The following PPM1E variants were observed in gnomAD, a reference collection of about 807,000 sequenced individuals.
PPM1E encodes protein phosphatase 1E.
PPM1E carries 20 observed loss-of-function variants against 65.9 expected under a neutral mutation model. The ratio of observed to expected loss-of-function variants is 0.30; its 90% CI spans 0.21 to 0.44. The LOEUF (loss-of-function observed/expected upper bound fraction) is 0.44, where lower values mean the gene tolerates loss of function less well. PPM1E is among the 20% of genes least tolerant of loss of function. PPM1E has a pLI of 1.00. For synonymous variants in PPM1E, 352 were observed against 374.9 expected, an observed-to-expected ratio of 0.94 and a Z score of 0.70; for missense variants, 713 against 953.1, an observed-to-expected ratio of 0.75 and a Z score of 3.32.
At chr17:58,925,158 C>G (rs995452540) in intron 1 of PPM1E, among the ~76,000 whole-genome samples, 8 of 152,258 alleles carry the variant, frequency 5.3e-5, no homozygotes, top group Middle Eastern at 3.4e-3. Context: ...GCTACACTGT[C>G]CTCCACAATG....
chr17:58,756,194 C>G lies in PPM1E; in HGVS notation c.197C>G (p.Pro66Arg). 6.4e-7 allele frequency: 1 copy of G among 1,562,484 alleles called. No homozygotes were observed. The highest frequency in any genetic ancestry group is 8.7e-7 in the Non-Finnish European group (1 of 1,153,166). Residue 66 changes from proline (P) to arginine (R), a missense_variant, in exon 1 of 7, where the codon CCC becomes CGC. Pro to Arg is a moderately radical substitution (Grantham distance 103). This residue lies in a region of PPM1E where 212 missense variants were observed against 204.0 expected (regional missense o/e 1.04). Coordinates refer to ENST00000308249, the MANE Select transcript of PPM1E (RefSeq NM_014906.5). ...GCGGCCGAGGCTTCGGTAGAGGAAC[C>G]CGGGGAGGAGGCGGCCACGGTAGCC... ...AEAAEASVEE[P>R]GEEAATVAAT...
chr17:58,949,975 T>C (rs2052213764), intron 1 of PPM1E, among the ~76,000 whole-genome samples: 1 of 152,194 alleles, frequency 6.6e-6, no homozygotes, highest in Admixed American at 6.5e-5. Flanking sequence ...AGAAAGCTGC[T>C]GCTAGTCTAA....
intron 1 of PPM1E, among the ~76,000 whole-genome samples, chr17:58,862,282 A>C (rs2050950705): frequency 6.6e-6 from 1 of 152,178 alleles, no homozygotes. Flanking sequence ...TTTAGTTTTG[A>C]TTATTCTGTT....
At chr17:58,948,073 G>A (rs574238662) in intron 1 of PPM1E, among the ~76,000 whole-genome samples, 75 of 152,198 alleles carry the variant, frequency 4.9e-4, no homozygotes, top group African/African-American at 9.9e-4. Context: ...AGAGGAAGCC[G>A]GGGGAAGCCA....
intron 1 of PPM1E, among the ~76,000 whole-genome samples, chr17:58,793,308 A>G (rs2050174188): frequency 6.6e-6 from 1 of 152,062 alleles, no homozygotes; most frequent in African/African-American, 2.4e-5. Context: ...ATACACTAAC[A>G]TCACATTTTA....
intron 1 of PPM1E, among the ~76,000 whole-genome samples, chr17:58,845,002 T>C (rs1206514471): frequency 6.6e-6 from 1 of 152,254 alleles, no homozygotes; most frequent in Non-Finnish European, 1.5e-5. Context: ...GCTTCTCATA[T>C]ATATTGCATA....
chr17:58,830,836 C>CT (rs1327022729), intron 1 of PPM1E, among the ~76,000 whole-genome samples: 5 of 151,620 alleles, frequency 3.3e-5, no homozygotes, highest in African/African-American at 1.2e-4. Flanking sequence ...AAGCGTGTGC[C>CT]ACCATGCCTG....
rs532913865 is a variant in PPM1E at position 58,848,262 on chromosome 17, T to C, written c.464+91801T>C. Among the ~76,000 whole-genome samples the C allele has an allele frequency of 4.6e-5, 7 of 152,304 alleles. No individual in the cohort carries two copies. The South Asian group carries it at 1.5e-3, about 32-fold the overall frequency. On this transcript the variant is annotated intron_variant, in intron 1 of 6. Coordinates refer to ENST00000308249, the MANE Select transcript of PPM1E (RefSeq NM_014906.5). ...CCTCTTTTCCTAATTGAATACGCTT[T>C]ATTTCCTTCTCCTGCCTGATTACCC... is the stretch of plus-strand genomic sequence containing the variant.
chr17:58,919,294 A>G (rs2051722462), intron 1 of PPM1E, among the ~76,000 whole-genome samples: 1 of 152,176 alleles, frequency 6.6e-6, no homozygotes, highest in East Asian at 1.9e-4. Context: ...GAAAGAGGTG[A>G]TGTAGGGAAA....
At chr17:58,962,762 C>T (rs2030072248) in intron 2 of PPM1E, among the ~76,000 whole-genome samples, 1 of 152,018 alleles carries the variant, frequency 6.6e-6, no homozygotes, top group Admixed American at 6.6e-5. Flanking sequence ...TTAAATTCAC[C>T]CTTGGTTTTC....
chr17:58,839,889 T>C (rs1036992646), intron 1 of PPM1E, among the ~76,000 whole-genome samples: 1 of 152,188 alleles, frequency 6.6e-6, no homozygotes, highest in Admixed American at 6.5e-5. Flanking sequence ...CAAGTTAGTA[T>C]ACATACTATA....
chr17:58,811,086 G>C (rs1005130525), intron 1 of PPM1E, among the ~76,000 whole-genome samples: 2 of 152,102 alleles, frequency 1.3e-5, no homozygotes, highest in South Asian at 4.1e-4. Context: ...TCGAATTCCT[G>C]ACCTCAAGTG....
chr17:58,950,999 C>T (rs867551918), intron 1 of PPM1E, among the ~76,000 whole-genome samples: 11 of 152,034 alleles, frequency 7.2e-5, no homozygotes, highest in African/African-American at 1.7e-4. Context: ...AGGATGGTCT[C>T]GATCTCCTGA....
chr17:58,946,700 C>T (rs1469525110), intron 1 of PPM1E, among the ~76,000 whole-genome samples: 1 of 152,032 alleles, frequency 6.6e-6, no homozygotes, highest in African/African-American at 2.4e-5. Context: ...AACCTTACCC[C>T]CTTGCAAAGT....
At chr17:58,777,729 A>T (rs1189385370) in intron 1 of PPM1E, among the ~76,000 whole-genome samples, 1 of 152,228 alleles carries the variant, frequency 6.6e-6, no homozygotes, top group Non-Finnish European at 1.5e-5. Flanking sequence ...CTTACTACAC[A>T]AAGAATTTAA....
chr17:58,923,334 A>G (rs1459251599), intron 1 of PPM1E, among the ~76,000 whole-genome samples: 1 of 150,948 alleles, frequency 6.6e-6, no homozygotes, highest in Non-Finnish European at 1.5e-5. Context: ...TAGGTGGATA[A>G]ATGATGTGGT....
intron 6 of PPM1E, among the ~76,000 whole-genome samples, chr17:58,976,178 C>T (rs890752770): frequency 2.0e-5 from 3 of 151,948 alleles, no homozygotes; most frequent in Non-Finnish European, 4.4e-5. Context: ...AAATTGAAGA[C>T]GAGAGAGTAG....
chr17:58,937,413 G>A (rs1479846084), intron 1 of PPM1E, among the ~76,000 whole-genome samples: 6 of 149,788 alleles, frequency 4.0e-5, no homozygotes, highest in Non-Finnish European at 7.4e-5. Flanking sequence ...ACAGGTGCCC[G>A]CCACCACGCC....
Position 58,984,733 on chromosome 17 carries a change from G to C in PPM1E, c.*3702G>C, listed in dbSNP as rs1293117392. On this transcript the variant is annotated 3_prime_UTR_variant, in exon 7 of 7. Transcript: ENST00000308249. ...CAATGATTTTCCAGACAAATGGTAT[G>C]GTGTTGAAAAATAACTGTTACTTCT... The C allele has an allele frequency of 2.0e-5, 3 of 152,486 alleles. No homozygotes were observed. Among genetic ancestry groups the C allele is most frequent in the Non-Finnish European group, 4.4e-5 (3 of 68,028 alleles). 9.4% of individuals were successfully genotyped at this position (152,486 alleles called of 1,614,324 possible). A position where few individuals can be genotyped will look rare whatever the true frequency, so the allele number is the denominator to read the frequency against.
Sources: allele counts gnomAD v4.1 joint callset (sites outside exome capture counted in the v4.1 genomes callset), GRCh38; gene constraint gnomAD v4.1.1; regional missense constraint gnomAD v4.1.1; transcripts MANE v1.5; gene names NCBI Gene and HGNC (gene_info 2026-07-23, HGNC 2026-07-21).